Variants in MIPOL1 observed in about 807,000 individuals in gnomAD.
MIPOL1 encodes the protein mirror-image polydactyly 1.
Under a neutral mutation model 60.9 loss-of-function variants are expected in MIPOL1, and 57 were observed. The ratio of observed to expected loss-of-function variants is 0.94; its 90% CI spans 0.76 to 1.17. The LOEUF (loss-of-function observed/expected upper bound fraction) is 1.17. Ranked by LOEUF, MIPOL1 falls within the 50% of genes most tolerant of loss-of-function variation. The pLI, the probability that MIPOL1 is intolerant of heterozygous loss-of-function variation, is 0.00. For synonymous variants in MIPOL1, 179 were observed against 168.8 expected, an observed-to-expected ratio of 1.06 and a Z score of -0.47; for missense variants, 551 against 511.6, an observed-to-expected ratio of 1.08 and a Z score of -0.74.
chr14:37,397,018 A>G (rs2093384146), intron 10 of MIPOL1: 1 of 151,888 alleles, frequency 6.6e-6, no homozygotes, highest in African/African-American at 2.4e-5. Flanking sequence ...ATTGCTGGTG[A>G]GTTAGTATGA....
At chr14:37,455,848 T>A (rs1261796949) in intron 11 of MIPOL1, among the ~76,000 whole-genome samples, 1 of 152,130 alleles carries the variant, frequency 6.6e-6, no homozygotes, top group Non-Finnish European at 1.5e-5. Flanking sequence ...CTGTGAAAAT[T>A]ACGTGATTTT....
intron 10 of MIPOL1, among the ~76,000 whole-genome samples, chr14:37,371,188 C>T (rs1448058305): frequency 6.7e-6 from 1 of 149,156 alleles, no homozygotes; most frequent in Non-Finnish European, 1.5e-5. Flanking sequence ...GGTGTGATCT[C>T]GGCTCACTTC....
At chr14:37,265,523 C>G (rs2153383369) in intron 3 of MIPOL1, among the ~76,000 whole-genome samples, 1 of 152,192 alleles carries the variant, frequency 6.6e-6, no homozygotes, top group Non-Finnish European at 1.5e-5. Flanking sequence ...TTAGAAGAGT[C>G]AAACTTTTTA....
At chr14:37,424,589 A>G (rs1255328157) in intron 11 of MIPOL1, among the ~76,000 whole-genome samples, 2 of 152,292 alleles carry the variant, frequency 1.3e-5, no homozygotes, top group South Asian at 4.2e-4. Context: ...GTTTTAAGCC[A>G]CACAGTTTGT....
intron 7 of MIPOL1, among the ~76,000 whole-genome samples, chr14:37,292,756 C>T (rs941159015): frequency 1.3e-5 from 2 of 152,136 alleles, no homozygotes; most frequent in African/African-American, 2.4e-5. Flanking sequence ...GCTGGGATTA[C>T]AGGTGTTAGC....
chr14:37,520,207 T>A (rs566847536), intron 12 of MIPOL1, among the ~76,000 whole-genome samples: 1 of 152,284 alleles, frequency 6.6e-6, no homozygotes, highest in East Asian at 1.9e-4. Flanking sequence ...TGATATATTA[T>A]CTCTACTAGT....
chr14:37,237,218 G>A (rs1261207379), intron 1 of MIPOL1, among the ~76,000 whole-genome samples: 2 of 152,090 alleles, frequency 1.3e-5, no homozygotes, highest in Non-Finnish European at 2.9e-5. Flanking sequence ...AAACAGAGGA[G>A]TGCCTTGTGT....
At chr14:37,381,684 G>C (rs530424866) in intron 10 of MIPOL1, among the ~76,000 whole-genome samples, 5 of 151,676 alleles carry the variant, frequency 3.3e-5, no homozygotes, top group Non-Finnish European at 7.4e-5. Flanking sequence ...CCAGGCTCAA[G>C]TGATCCTCCC....
intron 9 of MIPOL1, among the ~76,000 whole-genome samples, chr14:37,354,099 A>C (rs993148597): frequency 5.3e-5 from 8 of 150,152 alleles, no homozygotes; most frequent in African/African-American, 9.8e-5. Context: ...AGATTCTGGT[A>C]TGTTGTGTCT....
intron 10 of MIPOL1, among the ~76,000 whole-genome samples, chr14:37,404,857 C>A (rs545742241): frequency 6.6e-6 from 1 of 152,286 alleles, no homozygotes; most frequent in South Asian, 2.1e-4. Flanking sequence ...ACATCTGTTT[C>A]AACAGCTGGT....
intron 10 of MIPOL1, among the ~76,000 whole-genome samples, chr14:37,394,763 G>C (rs933125275): frequency 2.0e-5 from 3 of 151,964 alleles, no homozygotes; most frequent in African/African-American, 7.2e-5. Context: ...AACCTCTTTA[G>C]TTTAATTAAG....
At chr14:37,232,611 C>A (rs962775651) in intron 1 of MIPOL1, among the ~76,000 whole-genome samples, 1 of 152,164 alleles carries the variant, frequency 6.6e-6, no homozygotes, top group Non-Finnish European at 1.5e-5. Flanking sequence ...TATCCTCTTA[C>A]CATTTTGACT....
At chr14:37,326,258 C>T (rs147737700) in intron 9 of MIPOL1, among the ~76,000 whole-genome samples, 1 of 152,316 alleles carries the variant, frequency 6.6e-6, no homozygotes, top group Non-Finnish European at 1.5e-5. Context: ...CTAGCTGCTT[C>T]AGGATGATGG....
At chr14:37,406,496 T>C (rs1455663656) in intron 10 of MIPOL1, among the ~76,000 whole-genome samples, 1 of 152,142 alleles carries the variant, frequency 6.6e-6, no homozygotes, top group African/African-American at 2.4e-5. Flanking sequence ...GGAAATAGTG[T>C]CATTTTGAGA....
chr14:37,412,034 T>G (rs2063680036), intron 10 of MIPOL1, among the ~76,000 whole-genome samples: 1 of 152,108 alleles, frequency 6.6e-6, no homozygotes, highest in Non-Finnish European at 1.5e-5. Flanking sequence ...TGAGAAAATT[T>G]AGGTTCAGAA....
In MIPOL1 at chr14:37,549,949, T is replaced by G. The variant is rs2095557763; in HGVS notation, c.*2978T>G. On this transcript the variant is annotated 3_prime_UTR_variant, in exon 13 of 13. Transcript: ENST00000684589. The stretch of plus-strand genomic sequence containing the variant: ...TCTAAACTTCAAGGCTTGCTCTATC[T>G]CCTAGAGCAATTTAGAGCTAAAACC... 6.6e-6 allele frequency: 1 copy of G among 151,922 alleles called. No homozygotes were observed. The highest frequency in any genetic ancestry group is 2.1e-4 in the South Asian group (1 of 4,832). The allele number at this position is 151,922 out of a possible 1,614,324, so 9.4% of individuals were successfully genotyped here. A position where few individuals can be genotyped will look rare whatever the true frequency, so the allele number is the denominator to read the frequency against.
At chr14:37,389,835 G>T (rs2093183900) in intron 10 of MIPOL1, among the ~76,000 whole-genome samples, 1 of 151,736 alleles carries the variant, frequency 6.6e-6, no homozygotes, top group African/African-American at 2.4e-5. Flanking sequence ...ATGGATATCT[G>T]TGACTGCACA....
At chr14:37,316,218 A>T (rs908400903) in intron 9 of MIPOL1, among the ~76,000 whole-genome samples, 3 of 151,768 alleles carry the variant, frequency 2.0e-5, no homozygotes, top group Non-Finnish European at 1.5e-5. Flanking sequence ...TTTAGTAGAA[A>T]CGGGGTTTCA....
intron 11 of MIPOL1, among the ~76,000 whole-genome samples, chr14:37,447,928 AG>A (rs1295926078): frequency 7.2e-5 from 11 of 152,170 alleles, no homozygotes; most frequent in African/African-American, 2.4e-4. Flanking sequence ...GGTGAACTAA[AG>A]AGATCAAATG....
Sources: allele counts gnomAD v4.1 joint callset (sites outside exome capture counted in the v4.1 genomes callset), GRCh38; gene constraint gnomAD v4.1.1; transcripts MANE v1.5; gene names NCBI Gene and HGNC (gene_info 2026-07-23, HGNC 2026-07-21).